The following PDE4C variants were observed in gnomAD, a reference collection of about 807,000 sequenced individuals.
The protein encoded by PDE4C is phosphodiesterase 4C, also known as 3',5'-cyclic-AMP phosphodiesterase 4C.
A neutral mutation model predicts 63.9 loss-of-function variants in PDE4C; 50 were observed. The observed-to-expected ratio is 0.78, with a 90% CI of 0.62 to 0.99. PDE4C has a LOEUF of 0.99. Ranked by LOEUF, PDE4C falls within the 50% of genes least tolerant of loss-of-function variation. The pLI, the probability that PDE4C is intolerant of heterozygous loss-of-function variation, is 0.00. For missense variants in PDE4C, 777 were observed against 899.1 expected (o/e 0.86, Z 1.74); for synonymous variants, 377 against 385.1 (o/e 0.98, Z 0.25).
upstream of PDE4C, among the ~76,000 whole-genome samples, chr19:18,251,315 G>A (rs1004986195): frequency 4.6e-5 from 7 of 150,832 alleles, no homozygotes; most frequent in African/African-American, 7.3e-5. Context: ...TAGTAGAGAC[G>A]GGGTTTCACC....
At chr19:18,230,376 C>T (rs1010684139), upstream of PDE4C, among the ~76,000 whole-genome samples, 10 of 152,104 alleles carry the variant, frequency 6.6e-5, no homozygotes, top group Non-Finnish European at 1.3e-4. Context: ...TGGTGGTGGG[C>T]ACCTGTAATC....
intron 12 of PDE4C, among the ~76,000 whole-genome samples, chr19:18,215,863 T>G (rs994164482): frequency 2.9e-5 from 4 of 138,432 alleles, no homozygotes; most frequent in Non-Finnish European, 4.6e-5. Flanking sequence ...AGAGTCTCAC[T>G]CTGTTGCTGA....
chr19:18,241,044 C>G (rs920476313), intron 1 of PDE4C, among the ~76,000 whole-genome samples: 26 of 152,050 alleles, frequency 1.7e-4, no homozygotes, highest in Admixed American at 1.6e-3. Context: ...CTTGTCCCCA[C>G]CCTTTCCCAG....
chr19:18,254,104 C>A, the PDE4C span, among the ~76,000 whole-genome samples: 1 of 152,186 alleles, frequency 6.6e-6, no homozygotes, highest in South Asian at 2.1e-4. Flanking sequence ...CTAGAAGAGG[C>A]ATGGAACTCA....
chr19:18,232,998 G>A (rs939929358), exon 1 of PDE4C: 1 of 1,511,364 alleles, frequency 6.6e-7, no homozygotes, highest in Admixed American at 2.2e-5. Context: ...CCTGAGCTCC[G>A]GCCGCGGGCT....
At chr19:18,244,179 C>T (rs2148071017) in intron 1 of PDE4C, among the ~76,000 whole-genome samples, 1 of 152,174 alleles carries the variant, frequency 6.6e-6, no homozygotes, top group East Asian at 1.9e-4. Context: ...CCCTGCTACT[C>T]CTGATTAATT....
Position 18,222,342 on chromosome 19 carries a change from T to A in PDE4C, c.147-19A>T. On this transcript the variant is annotated intron_variant, in intron 1 of 14. Coordinates refer to ENST00000262805, the Ensembl canonical transcript of PDE4C. ...GTCAAAGCTGAAAGGAGAGACGGCA[T>A]GGTCAGAGACGAGGGTCATGACAAC... 1 of 1,599,774 alleles carries A rather than the reference T, an allele frequency of 6.3e-7. No homozygotes were observed. The highest frequency in any genetic ancestry group is 8.5e-7 in the Non-Finnish European group (1 of 1,171,672).
chr19:18,255,249 G>A, the PDE4C span: 31 of 398,790 alleles, frequency 7.8e-5, no homozygotes, highest in Admixed American at 9.3e-4. The surrounding 1 kb of genome is among the most constrained non-coding windows in gnomAD (Gnocchi z 4.6). Flanking sequence ...ATTCACACCA[G>A]CTTTCAGCAG....
At chr19:18,246,328 C>T (rs981329857) in intron 1 of PDE4C, among the ~76,000 whole-genome samples, 2 of 150,094 alleles carry the variant, frequency 1.3e-5, no homozygotes, top group Non-Finnish European at 3.0e-5. Context: ...GGACTACAGG[C>T]GTACACCACC....
In PDE4C at chr19:18,239,069, A is replaced by C. The variant is rs373365221; in HGVS notation, c.-209-5669T>G. Among the ~76,000 whole-genome samples, 4 of 152,242 alleles carry C rather than the reference A, an allele frequency of 2.6e-5. No homozygotes were observed. In the South Asian group the frequency reaches 8.3e-4, roughly 32 times the overall value. Reference sequence around the variant, plus strand: ...AATAACGATAGTACTAATGGCTAACATTTTCTGCACAATCACCCTGTATAA... The same window carrying C: ...AATAACGATAGTACTAATGGCTAACCTTTTCTGCACAATCACCCTGTATAA... On this transcript the variant is annotated intron_variant, in intron 1 of 15. Coordinates refer to the PDE4C transcript ENST00000594617.
chr19:18,233,152 T>G (rs1333420018), exon 1 of PDE4C: 1 of 1,558,370 alleles, frequency 6.4e-7, no homozygotes, highest in Admixed American at 1.9e-5. Context: ...CTCAACCTGC[T>G]GCAAGCCTCT....
intron 1 of PDE4C, chr19:18,248,033 C>T (rs1189622108): frequency 2.7e-6 from 1 of 370,302 alleles, no homozygotes; most frequent in East Asian, 7.5e-5. Flanking sequence ...TGGCCCCAGA[C>T]ACATGGGAGA....
At chr19:18,219,635 G>A (rs1968372270) in intron 7 of PDE4C, 1 of 503,188 alleles carries the variant, frequency 2.0e-6, no homozygotes, top group Non-Finnish European at 3.5e-6. Context: ...ACCAGTCTGA[G>A]CAATACGGTG....
intron 1 of PDE4C, among the ~76,000 whole-genome samples, chr19:18,241,574 G>A (rs1253226674): frequency 2.0e-5 from 3 of 148,924 alleles, no homozygotes; most frequent in East Asian, 2.0e-4. Flanking sequence ...GCCAAGACAG[G>A]GTCTTTCTCT....
Position 18,221,092 on chromosome 19 carries a change from G to T in PDE4C, c.449+13C>A. On this transcript the variant is annotated intron_variant, in intron 4 of 14. Coordinates refer to ENST00000262805, the Ensembl canonical transcript of PDE4C. ...GCCGGCCCCGCCCCCGCCCCGCCCCGCCCTCTACCTACTTGGCTGCTCCTA... is the reference window on the plus strand; with the variant it reads ...GCCGGCCCCGCCCCCGCCCCGCCCCTCCCTCTACCTACTTGGCTGCTCCTA... 2 of 912,938 alleles carry T rather than the reference G, an allele frequency of 2.2e-6. No homozygotes were observed. 56.6% of individuals were successfully genotyped at this position (912,938 alleles called of 1,614,324 possible).
upstream of PDE4C, among the ~76,000 whole-genome samples, chr19:18,238,226 C>G (rs1398526544): frequency 1.3e-5 from 2 of 150,300 alleles, no homozygotes; most frequent in African/African-American, 2.5e-5. Context: ...CCCCCTGTAT[C>G]TCTCTCTCTC....
intron 8 of PDE4C, 57 bp downstream of exon 8, chr19:18,219,177 C>CATCCAG (rs1968349132): frequency 6.2e-7 from 1 of 1,610,640 alleles, no homozygotes; most frequent in African/African-American, 1.3e-5. Flanking sequence ...CGAGATAGGG[C>CATCCAG]ATCCAGACAG....
intron 12 of PDE4C, among the ~76,000 whole-genome samples, chr19:18,214,150 C>G (rs570245122): frequency 7.9e-5 from 12 of 151,168 alleles, no homozygotes; most frequent in African/African-American, 2.9e-4. Flanking sequence ...CCCAGCTACT[C>G]GGAAGGCTGA....
chr19:18,219,728 G>A (rs774074887), intron 7 of PDE4C: 3 of 253,752 alleles, frequency 1.2e-5, no homozygotes, highest in Non-Finnish European at 2.3e-5. Flanking sequence ...GGAGGCTGAG[G>A]TGGGAGAATT....
Sources: gnomAD v4.1 joint callset for allele counts (sites outside exome capture counted in the v4.1 genomes callset) on GRCh38, gnomAD v4.1.1 for gene constraint, Gnocchi (gnomAD v3.1) non-coding constraint, MANE v1.5 for transcripts, NCBI Gene and HGNC (gene_info 2026-07-23, HGNC 2026-07-21) for gene names.